Variants in MYO1H observed in about 807,000 individuals in gnomAD.
The protein encoded by MYO1H is myosin IH, also known as unconventional myosin-Ih.
A neutral mutation model predicts 149.3 loss-of-function variants in MYO1H; 118 were observed. That is an observed-to-expected ratio of 0.79 (90% CI 0.68 to 0.92). The LOEUF is 0.92. Among genes scored for constraint, MYO1H ranks in the 40% least tolerant of loss-of-function variants. MYO1H has a pLI of 0.00. For synonymous variants in MYO1H, 447 were observed against 465.2 expected (o/e 0.96, Z 0.50); for missense variants, 1,212 against 1,280.7 (o/e 0.95, Z 0.82).
At chr12:109,323,000 G>A in the MYO1H span, among the ~76,000 whole-genome samples, 35 of 151,978 alleles carry the variant, frequency 2.3e-4, no homozygotes, top group African/African-American at 8.0e-4. Flanking sequence ...CCAGCTACTC[G>A]GGAGGCTGAG....
intron 2 of MYO1H, among the ~76,000 whole-genome samples, chr12:109,389,531 C>T (rs181371471): frequency 6.6e-6 from 1 of 152,150 alleles, no homozygotes; most frequent in Non-Finnish European, 1.5e-5. Flanking sequence ...TAAGAGCTGT[C>T]CACCACACCC....
At chr12:109,387,584 C>T (rs1442606497) in intron 1 of MYO1H, among the ~76,000 whole-genome samples, 1 of 152,256 alleles carries the variant, frequency 6.6e-6, no homozygotes, top group Non-Finnish European at 1.5e-5. Flanking sequence ...CAAAGGCAGG[C>T]CGCTTCTCTT....
intron 11 of MYO1H, 92 bp from the exon 12 acceptor site, chr12:109,409,871 T>C (rs1870589410): frequency 1.3e-6 from 1 of 770,574 alleles, no homozygotes; most frequent in South Asian, 2.2e-5. Context: ...GCTTTTTCTT[T>C]ATTAAAAAGT....
intron 13 of MYO1H, among the ~76,000 whole-genome samples, chr12:109,411,308 G>A (rs1592802018): frequency 6.6e-6 from 1 of 151,948 alleles, no homozygotes; most frequent in Admixed American, 6.6e-5. Flanking sequence ...TTCACCATGT[G>A]CCTGTGCTGG....
chr12:109,419,769 C>T (rs903168966), intron 15 of MYO1H, among the ~76,000 whole-genome samples: 48 of 151,782 alleles, frequency 3.2e-4, no homozygotes, highest in African/African-American at 1.1e-3. Flanking sequence ...CTATGTTGCC[C>T]AGGCTAGTCT....
intron 4 of MYO1H, among the ~76,000 whole-genome samples, chr12:109,397,017 G>A (rs994758271): frequency 5.3e-5 from 8 of 151,342 alleles, no homozygotes; most frequent in African/African-American, 1.2e-4. Context: ...TAGTAGAGAC[G>A]GGGTTTCGCC....
chr12:109,410,049 A>G, exon 12 of MYO1H: 1 of 1,532,048 alleles, frequency 6.5e-7, no homozygotes, highest in African/African-American at 1.4e-5. Context: ...CAGGCAGAAT[A>G]TGAAATGGAA....
At chr12:109,439,897 C>A in intron 24 of MYO1H, 107 bp downstream of exon 24, 1 of 980,960 alleles carries the variant, frequency 1.0e-6, no homozygotes, top group South Asian at 1.7e-5. Context: ...AAGGGCTGCC[C>A]TGGCAAAGCC....
chr12:109,409,240 CTTCTTCTTTTTTTTTTTTTTTTTT>C (rs1870545239), intron 10 of MYO1H, among the ~76,000 whole-genome samples: 1 of 91,034 alleles, frequency 1.1e-5, no homozygotes. Flanking sequence ...TCTTCTTCTT[CTTCTTCTTTTTTTTTTTTTTTTTT>C]TTTTTTTTTT....
chr12:109,445,279 C>G (rs1872430714), intron 30 of MYO1H: 1 of 440,436 alleles, frequency 2.3e-6, no homozygotes, highest in Non-Finnish European at 4.0e-6. Flanking sequence ...TCAACTGACC[C>G]TTTGAAGAAC....
intron 22 of MYO1H, among the ~76,000 whole-genome samples, chr12:109,438,086 T>TAAAAAAAAAAAAA (rs58487735): frequency 7.6e-4 from 74 of 96,882 alleles, no homozygotes; most frequent in African/African-American, 3.2e-3. Flanking sequence ...AGGCTCTGTC[T>TAAAAAAAAAAAAA]AAAAAAAAAA....
intron 7 of MYO1H, among the ~76,000 whole-genome samples, chr12:109,404,628 C>T (rs188197491): frequency 9.9e-5 from 15 of 152,198 alleles, no homozygotes; most frequent in Admixed American, 4.6e-4. Context: ...GTTTGAAATT[C>T]AAATATTAAC....
chr12:109,416,139 G>C (rs1666964127), intron 15 of MYO1H, among the ~76,000 whole-genome samples: 1 of 151,710 alleles, frequency 6.6e-6, no homozygotes, highest in Admixed American at 6.6e-5. Context: ...TTGCCATGTT[G>C]GCCAGGCTGG....
chr12:109,409,246 C>CTTTTTTTTTTTTTTTTTTTTTTTTT (rs66507410), intron 10 of MYO1H, among the ~76,000 whole-genome samples: 2 of 47,838 alleles, frequency 4.2e-5, no homozygotes, highest in Non-Finnish European at 7.7e-5. Flanking sequence ...TCTTCTTCTT[C>CTTTTTTTTTTTTTTTTTTTTTTTTT]TTTTTTTTTT....
intron 1 of MYO1H, among the ~76,000 whole-genome samples, chr12:109,370,010 T>C (rs1185543390): frequency 6.6e-6 from 1 of 152,168 alleles, no homozygotes; most frequent in African/African-American, 2.4e-5. Flanking sequence ...TATCAGATCT[T>C]GTGAGACTTG....
intron 6 of MYO1H, 22 bp downstream of exon 6, chr12:109,401,294 C>A: frequency 6.3e-7 from 1 of 1,592,158 alleles, no homozygotes; most frequent in Non-Finnish European, 8.6e-7. Context: ...CAGCACCTGG[C>A]TTTGGTGACT....
chr12:109,442,130 T>C, intron 26 of MYO1H, 87 bp from the exon 27 acceptor site: 2 of 1,078,382 alleles, frequency 1.9e-6, no homozygotes, highest in Non-Finnish European at 2.9e-6. Context: ...AGCACAGAGA[T>C]GCATAACAAA....
intron 11 of MYO1H, 105 bp from the exon 12 acceptor site, chr12:109,409,858 T>A: frequency 1.4e-6 from 1 of 718,920 alleles, no homozygotes; most frequent in Non-Finnish European, 2.2e-6. Flanking sequence ...TAATGAGGAC[T>A]TTGCTTTTTC....
chr12:109,384,008 A>C (rs1869256691), intron 1 of MYO1H, among the ~76,000 whole-genome samples: 1 of 152,258 alleles, frequency 6.6e-6, no homozygotes, highest in Admixed American at 6.5e-5. Flanking sequence ...CTTGCTGCAG[A>C]GGCTGCAAAA....
Sources: gnomAD v4.1 joint callset for allele counts (sites outside exome capture counted in the v4.1 genomes callset) on GRCh38, gnomAD v4.1.1 for gene constraint, MANE v1.5 for transcripts, NCBI Gene and HGNC (gene_info 2026-07-23, HGNC 2026-07-21) for gene names.